Variants in NAALADL2 observed in about 807,000 individuals in gnomAD.
NAALADL2 encodes N-acetylated alpha-linked acidic dipeptidase like 2, also known as inactive N-acetylated-alpha-linked acidic dipeptidase-like protein 2.
A neutral mutation model predicts 87.2 loss-of-function variants in NAALADL2; 76 were observed. The observed-to-expected ratio is 0.87, with a 90% CI of 0.72 to 1.05. The LOEUF (loss-of-function observed/expected upper bound fraction) is 1.05, where lower values mean the gene tolerates loss of function less well. Ranked by LOEUF, NAALADL2 falls within the 50% of genes least tolerant of loss-of-function variation. The pLI is 0.00. For synonymous variants in NAALADL2, 354 were observed against 331.0 expected (o/e 1.07, Z -0.75); for missense variants, 1,089 against 945.8 (o/e 1.15, Z -1.99).
intron 2 of NAALADL2, among the ~76,000 whole-genome samples, chr3:174,664,030 C>T (rs1265824540): frequency 6.6e-6 from 1 of 151,998 alleles, no homozygotes; most frequent in South Asian, 2.1e-4. Flanking sequence ...CTCAGGTGAC[C>T]CACCAGCCTC....
At chr3:175,517,199 T>A (rs1731966454) in intron 9 of NAALADL2, among the ~76,000 whole-genome samples, 1 of 152,226 alleles carries the variant, frequency 6.6e-6, no homozygotes, top group Non-Finnish European at 1.5e-5. Flanking sequence ...ATAAGACTTA[T>A]AATGGCTCAT....
chr3:174,974,384 A>T (rs1232068853), intron 1 of NAALADL2, among the ~76,000 whole-genome samples: 2 of 152,194 alleles, frequency 1.3e-5, no homozygotes, highest in Admixed American at 1.3e-4. Context: ...AAATTTATCA[A>T]GGCATCCCAG....
intron 10 of NAALADL2, among the ~76,000 whole-genome samples, chr3:175,578,706 A>G (rs1053498021): frequency 3.3e-5 from 5 of 152,206 alleles, no homozygotes; most frequent in African/African-American, 4.8e-5. Context: ...TATGTTCTCA[A>G]CTATTATACC....
chr3:175,619,751 A>G (rs1446618315), intron 10 of NAALADL2, among the ~76,000 whole-genome samples: 1 of 152,124 alleles, frequency 6.6e-6, no homozygotes, highest in African/African-American at 2.4e-5. Flanking sequence ...GCCATAAAGG[A>G]AAGAAAGAAA....
At chr3:174,533,784 C>T (rs1296414343) in intron 1 of NAALADL2, among the ~76,000 whole-genome samples, 1 of 152,072 alleles carries the variant, frequency 6.6e-6, no homozygotes, top group African/African-American at 2.4e-5. Flanking sequence ...CCAAAGTATC[C>T]TCATTATTTC....
chr3:175,278,389 C>T (rs143163326), intron 4 of NAALADL2, among the ~76,000 whole-genome samples: 2 of 152,112 alleles, frequency 1.3e-5, no homozygotes, highest in African/African-American at 2.4e-5. Context: ...CTTCTATTTT[C>T]CACTCTAAAA....
At chr3:174,940,388 T>C (rs1157443971) in intron 1 of NAALADL2, among the ~76,000 whole-genome samples, 1 of 152,112 alleles carries the variant, frequency 6.6e-6, no homozygotes, top group Non-Finnish European at 1.5e-5. Flanking sequence ...TTAGCTCTTT[T>C]GTGTGCTGCT....
chr3:175,019,347 ACT>A (rs947307106), intron 1 of NAALADL2, among the ~76,000 whole-genome samples: 10 of 151,920 alleles, frequency 6.6e-5, no homozygotes, highest in African/African-American at 2.2e-4. Flanking sequence ...TAAGTAAATA[ACT>A]CTGTGTACTA....
intron 1 of NAALADL2, among the ~76,000 whole-genome samples, chr3:174,972,372 A>G (rs1300022538): frequency 6.6e-6 from 1 of 152,176 alleles, no homozygotes; most frequent in Admixed American, 6.5e-5. Context: ...GTTTTCTCAC[A>G]GTTCTGAAGG....
chr3:174,790,996 G>A (rs1179381605), intron 3 of NAALADL2, among the ~76,000 whole-genome samples: 1 of 152,124 alleles, frequency 6.6e-6, no homozygotes, highest in African/African-American at 2.4e-5. Context: ...TAGCTTTGAA[G>A]TAGTTACTAC....
chr3:175,013,008 C>T (rs1250627485), intron 1 of NAALADL2, among the ~76,000 whole-genome samples: 2 of 106,842 alleles, frequency 1.9e-5, no homozygotes, highest in Admixed American at 1.1e-4. Context: ...TATATATGTA[C>T]ATATATAATA....
intron 2 of NAALADL2, among the ~76,000 whole-genome samples, chr3:174,731,365 G>T (rs1732688865): frequency 6.6e-6 from 1 of 152,008 alleles, no homozygotes. Flanking sequence ...TCTTTCCTTT[G>T]GATATACAGC....
intron 2 of NAALADL2, among the ~76,000 whole-genome samples, chr3:174,632,732 G>A (rs1482753735): frequency 6.6e-6 from 1 of 151,796 alleles, no homozygotes; most frequent in African/African-American, 2.4e-5. Context: ...TCAGGAGATC[G>A]AGACCATCCT....
intron 1 of NAALADL2, among the ~76,000 whole-genome samples, chr3:174,953,475 A>C (rs2108521025): frequency 6.6e-6 from 1 of 151,840 alleles, no homozygotes; most frequent in African/African-American, 2.4e-5. Flanking sequence ...AATAAATCTC[A>C]GGAGGTGGAT....
At chr3:175,767,996 C>G (rs1748963812) in intron 13 of NAALADL2, among the ~76,000 whole-genome samples, 2 of 152,108 alleles carry the variant, frequency 1.3e-5, no homozygotes, top group Non-Finnish European at 2.9e-5. Flanking sequence ...CTAATTTATC[C>G]AGAGAAACTT....
intron 3 of NAALADL2, among the ~76,000 whole-genome samples, chr3:174,783,482 G>A (rs1716241411): frequency 6.6e-6 from 1 of 152,106 alleles, no homozygotes; most frequent in Non-Finnish European, 1.5e-5. Context: ...CCTTTGCAGA[G>A]CTTCATTACT....
At position 174,938,989 on chromosome 3, in the gene NAALADL2, CT is replaced by C. The variant is rs941711399; in HGVS notation, c.43+79540del. Among the ~76,000 whole-genome samples the C allele has an allele frequency of 6.6e-5, 10 of 151,816 alleles. No homozygotes were observed. In the East Asian group the frequency reaches 1.5e-3, roughly 24 times the overall value. ...TGTAGGTTGTCTGTGTACTCTTTTG[CT>C]GTGCAGAAGCTCTTAAGTTTAATTA... On this transcript the variant is annotated intron_variant, in intron 1 of 13. Transcript: ENST00000454872.
chr3:175,243,070 AACACAC>A (rs145805880), intron 3 of NAALADL2, among the ~76,000 whole-genome samples: 1 of 146,974 alleles, frequency 6.8e-6, no homozygotes, highest in Non-Finnish European at 1.5e-5. Flanking sequence ...TCCTTTCCAT[AACACAC>A]ACACACACAC....
At chr3:174,855,886 G>T (rs551921801), upstream of NAALADL2, among the ~76,000 whole-genome samples, 14 of 121,044 alleles carry the variant, frequency 1.2e-4, no homozygotes, top group Non-Finnish European at 1.9e-4. Context: ...ACATACATAT[G>T]AATATATATA....
Sources: allele counts gnomAD v4.1 joint callset (sites outside exome capture counted in the v4.1 genomes callset), GRCh38; gene constraint gnomAD v4.1.1; transcripts MANE v1.5; gene names NCBI Gene and HGNC (gene_info 2026-07-23, HGNC 2026-07-21).